The following ZFHX3 variants were observed in gnomAD, a reference collection of about 807,000 sequenced individuals.
The protein encoded by ZFHX3 is zinc finger homeobox protein 3.
In ZFHX3, 42 loss-of-function variants were observed where a neutral mutation model predicts 279.1. The ratio of observed to expected loss-of-function variants is 0.15; its 90% CI spans 0.12 to 0.19. The LOEUF (loss-of-function observed/expected upper bound fraction) is 0.19. ZFHX3 is among the 10% of genes least tolerant of loss of function. The pLI is 1.00. For synonymous variants in ZFHX3, 2,293 were observed against 1,957.8 expected, an observed-to-expected ratio of 1.17 and a Z score of -4.52; for missense variants, 4,981 against 4,754.0, an observed-to-expected ratio of 1.05 and a Z score of -1.40.
intron 1 of ZFHX3, among the ~76,000 whole-genome samples, chr16:73,787,479 C>T (rs536390250): frequency 6.6e-6 from 1 of 152,260 alleles, no homozygotes; most frequent in East Asian, 1.9e-4. Flanking sequence ...TGTTCCATGG[C>T]CTGGCATGTT....
chr16:73,531,714 CAAAAAAAAAAAAAA>C (rs34119200), intron 2 of ZFHX3, among the ~76,000 whole-genome samples: 1 of 81,146 alleles, frequency 1.2e-5, no homozygotes, highest in Non-Finnish European at 2.3e-5. Context: ...AACCCTGTCT[CAAAAAAAAAAAAAA>C]AAAAAAAAAG....
chr16:73,763,047 G>A (rs555084878), intron 1 of ZFHX3, among the ~76,000 whole-genome samples: 2 of 152,130 alleles, frequency 1.3e-5, no homozygotes, highest in African/African-American at 4.8e-5. Context: ...CCCCACTAAT[G>A]TATTGTAATA....
At chr16:73,793,028 C>T (rs1438109083) in intron 1 of ZFHX3, among the ~76,000 whole-genome samples, 4 of 152,030 alleles carry the variant, frequency 2.6e-5, no homozygotes, top group Non-Finnish European at 2.9e-5. Flanking sequence ...GTTTGGGAGA[C>T]GGGGAGAGAA....
chr16:73,455,669 G>A (rs1242859377), intron 3 of ZFHX3, among the ~76,000 whole-genome samples: 5 of 151,654 alleles, frequency 3.3e-5, no homozygotes, highest in African/African-American at 1.2e-4. Flanking sequence ...GCTACAAACA[G>A]CTTTTAAAAC....
chr16:73,456,219 G>A (rs1356776661), exon 3 of ZFHX3: 2 of 152,170 alleles, frequency 1.3e-5, no homozygotes, highest in African/African-American at 4.8e-5. Flanking sequence ...AGGGTCGTGA[G>A]ACAGGGATAT....
At chr16:73,739,495 G>C (rs2053635368) in intron 1 of ZFHX3, among the ~76,000 whole-genome samples, 1 of 152,178 alleles carries the variant, frequency 6.6e-6, no homozygotes. Context: ...TCCCCTGGCA[G>C]GGAAATGTCT....
At chr16:73,433,664 CA>C (rs773230332) in intron 3 of ZFHX3, among the ~76,000 whole-genome samples, 1 of 152,194 alleles carries the variant, frequency 6.6e-6, no homozygotes, top group African/African-American at 2.4e-5. Context: ...TAAAGCCTGC[CA>C]CTTTCTTTGC....
At chr16:73,525,533 G>A (rs1188227858) in intron 2 of ZFHX3, among the ~76,000 whole-genome samples, 5 of 152,134 alleles carry the variant, frequency 3.3e-5, no homozygotes, top group East Asian at 1.9e-4. Flanking sequence ...CAAACTCCGC[G>A]TGGACATCCA....
chr16:73,013,557 G>A (rs563914338), intron 1 of ZFHX3, among the ~76,000 whole-genome samples: 1 of 152,262 alleles, frequency 6.6e-6, no homozygotes, highest in East Asian at 1.9e-4. Flanking sequence ...CAAAGTGCTG[G>A]GAGTACAGGC....
chr16:73,163,415 C>T (rs536941633), intron 5 of ZFHX3, among the ~76,000 whole-genome samples: 8 of 152,312 alleles, frequency 5.3e-5, no homozygotes, highest in East Asian at 3.9e-4. Context: ...AAATCCAGCC[C>T]GTGACTTGTT....
At chr16:73,076,016 A>G (rs1013818024) in intron 8 of ZFHX3, among the ~76,000 whole-genome samples, 2 of 152,214 alleles carry the variant, frequency 1.3e-5, no homozygotes, top group African/African-American at 4.8e-5. Flanking sequence ...TGCCACTAAC[A>G]GCTGGATGGC....
intron 3 of ZFHX3, among the ~76,000 whole-genome samples, chr16:73,381,595 C>A (rs2016819056): frequency 1.3e-5 from 2 of 152,146 alleles, no homozygotes; most frequent in South Asian, 4.1e-4. Flanking sequence ...GCACCAATGG[C>A]TAGTCATCTA....
intron 3 of ZFHX3, among the ~76,000 whole-genome samples, chr16:73,410,340 C>T (rs569938634): frequency 5.3e-5 from 8 of 152,158 alleles, no homozygotes; most frequent in African/African-American, 1.9e-4. Flanking sequence ...CACTTGAACC[C>T]GGGAGGCAGA....
chr16:73,079,731 C>T (rs2144764389), intron 8 of ZFHX3, among the ~76,000 whole-genome samples: 1 of 152,280 alleles, frequency 6.6e-6, no homozygotes, highest in East Asian at 1.9e-4. Context: ...TGCCTTGGTT[C>T]TACTGCCTTT....
chr16:73,886,196 T>A (rs1319307388), intron 1 of ZFHX3, among the ~76,000 whole-genome samples: 1 of 152,194 alleles, frequency 6.6e-6, no homozygotes, highest in Non-Finnish European at 1.5e-5. Context: ...ATTCTGTTAC[T>A]TCCTTTTTTA....
chr16:73,601,716 C>CT (rs1301964747), intron 2 of ZFHX3, among the ~76,000 whole-genome samples: 2 of 152,160 alleles, frequency 1.3e-5, no homozygotes, highest in Non-Finnish European at 2.9e-5. Context: ...CAGATATTCC[C>CT]TGACTTCTAG....
At chr16:73,689,979 G>A (rs184645494) in intron 1 of ZFHX3, among the ~76,000 whole-genome samples, 17 of 151,924 alleles carry the variant, frequency 1.1e-4, no homozygotes, top group East Asian at 3.9e-4. Flanking sequence ...GCAGTGGCGC[G>A]ATCTCGGCTC....
intron 4 of ZFHX3, among the ~76,000 whole-genome samples, chr16:72,838,238 G>A (rs1303685415): frequency 6.6e-6 from 1 of 152,180 alleles, no homozygotes; most frequent in East Asian, 1.9e-4. Flanking sequence ...ACTAATTGGA[G>A]AATAGAGACC....
At chr16:73,690,837 G>A (rs143395265) in intron 1 of ZFHX3, among the ~76,000 whole-genome samples, 19 of 152,260 alleles carry the variant, frequency 1.2e-4, no homozygotes, top group Admixed American at 6.5e-4. Flanking sequence ...CCATCTGCTC[G>A]CACTCCACCC....
Sources: gnomAD v4.1 joint callset for allele counts (sites outside exome capture counted in the v4.1 genomes callset) on GRCh38, gnomAD v4.1.1 for gene constraint, MANE v1.5 for transcripts, NCBI Gene and HGNC (gene_info 2026-07-23, HGNC 2026-07-21) for gene names.